Variants in E2F8 observed in about 807,000 individuals in gnomAD.
E2F8 encodes transcription factor E2F8.
In E2F8, 35 loss-of-function variants were observed where a neutral mutation model predicts 80.8. The ratio of observed to expected loss-of-function variants is 0.43; its 90% CI spans 0.33 to 0.57. The LOEUF (loss-of-function observed/expected upper bound fraction) is 0.57, where lower values mean the gene tolerates loss of function less well. Ranked by LOEUF, E2F8 falls within the 20% of genes least tolerant of loss-of-function variation. E2F8 has a pLI of 0.04. For missense variants in E2F8, 975 were observed against 1,056.2 expected (o/e 0.92, Z 1.07); for synonymous variants, 386 against 395.0 (o/e 0.98, Z 0.27).
rs374265373 is a variant in E2F8 at position 19,235,168 on chromosome 11, T to G, written c.452-110A>C. ...CAGTAGGTCTTGGATAATATCACTTTCCTAACTGTAAGTGAACATACTCAA... is the reference window on the plus strand; with the variant it reads ...CAGTAGGTCTTGGATAATATCACTTGCCTAACTGTAAGTGAACATACTCAA... On this transcript the variant is annotated intron_variant, in intron 4 of 12. Coordinates refer to ENST00000250024, the MANE Select transcript of E2F8 (RefSeq NM_024680.4). 382 of 981,898 alleles carry G rather than the reference T, an allele frequency of 3.9e-4. 1 individual carries two copies. The African/African-American group carries it at 5.5e-3, about 14-fold the overall frequency. 60.8% of individuals were successfully genotyped at this position (981,898 alleles called of 1,614,324 possible).
intron 4 of E2F8, among the ~76,000 whole-genome samples, chr11:19,235,822 GATC>G (rs970873082): frequency 5.3e-5 from 8 of 152,150 alleles, no homozygotes; most frequent in Non-Finnish European, 7.4e-5. Context: ...CATCTGTAAT[GATC>G]ATAAGATAGA....
chr11:19,236,591 T>C (rs546335208), intron 4 of E2F8, among the ~76,000 whole-genome samples: 13 of 152,352 alleles, frequency 8.5e-5, no homozygotes, highest in African/African-American at 2.9e-4. Flanking sequence ...AGTAGATGAA[T>C]CTAAACGGTA....
At chr11:19,228,330 G>T (rs1443644267) in intron 10 of E2F8, among the ~76,000 whole-genome samples, 1 of 152,200 alleles carries the variant, frequency 6.6e-6, no homozygotes, top group Non-Finnish European at 1.5e-5. Flanking sequence ...GTTTTGAATG[G>T]TTACCATGAG....
chr11:19,230,771 T>C lies in E2F8; in HGVS notation c.1130A>G (p.Asn377Ser). 2 of 1,614,198 alleles carry C rather than the reference T, an allele frequency of 1.2e-6. No individual in the cohort carries two copies. Among genetic ancestry groups the C allele is most frequent in the Admixed American group, 1.7e-5 (1 of 60,030 alleles). The change falls in exon 8 of 13, where the codon AAC becomes AGC. Residue 377 changes from asparagine to serine, a missense_variant. Transcript: ENST00000250024. ...TGTGGAAAAGAGGTTTTTGGCACAGTTCTCTTTTGAAGACCGTCTCACCTC... is the reference window on the plus strand; with the variant it reads ...TGTGGAAAAGAGGTTTTTGGCACAGCTCTCTTTTGAAGACCGTCTCACCTC... The part of the protein sequence containing the change: ...DLEVRRSSKE[N>S]CAKNLFSTRG...
At position 19,230,670 on chromosome 11, in the gene E2F8, T is replaced by G. The variant is rs765797631; in HGVS notation, c.1231A>C (p.Ile411Leu). 11 of 1,614,112 alleles carry G rather than the reference T, an allele frequency of 6.8e-6. No individual in the cohort carries two copies. In the African/African-American group the frequency reaches 1.3e-4, roughly 20 times the overall value. Reference sequence around the variant, plus strand: ...ATAGGGCTACTGGGCGCAGAATTTATCTTTCTCCGATCACTTTCTATACTC... The same window carrying G: ...ATAGGGCTACTGGGCGCAGAATTTAGCTTTCTCCGATCACTTTCTATACTC... ...VKSIESDRRK[I>L]NSAPSSPIKT... The change falls in exon 8 of 13, where the codon ATA (isoleucine) becomes CTA (leucine). Residue 411 changes from isoleucine (I) to leucine (L), a missense_variant. Transcript: ENST00000250024.
Position 19,224,665 on chromosome 11 carries a change from A to C in E2F8, c.2597T>G (p.Val866Gly). The C allele has an allele frequency of 6.2e-7, 1 of 1,613,972 alleles. No individual in the cohort carries two copies. The highest frequency in any genetic ancestry group is 8.5e-7 in the Non-Finnish European group (1 of 1,179,872). ...TAAGCCAACATCTGTTGATTAATGG[A>C]CATCCTCTGTTGAGACTTCCAGTTT... Reference protein sequence around the residue: ...QRKLEVSTEDVH With the variant: ...QRKLEVSTEDGH The change falls in exon 13 of 13, where the codon GTC (valine) becomes GGC (glycine). Residue 866 changes from valine (V) to glycine (G), a missense_variant. Physicochemically the swap from Val to Gly is moderately radical, Grantham distance 109. Transcript: ENST00000250024.
rs1228275678 is a variant in E2F8 at position 19,229,803 on chromosome 11, G to T, written c.1544C>A (p.Ala515Asp). The T allele has an allele frequency of 2.5e-6, 4 of 1,613,998 alleles. No individual in the cohort carries two copies. The South Asian group carries it at 4.4e-5, about 18-fold the overall frequency. Residue 515 changes from alanine (A) to aspartate (D), a missense_variant, in exon 10 of 13, where the codon GCC becomes GAC. Coordinates refer to ENST00000250024, the MANE Select transcript of E2F8 (RefSeq NM_024680.4). The surrounding 1 kb of genome is among the most constrained non-coding windows in gnomAD (Gnocchi z 4.3). The part of the protein sequence containing the change: ...SSAVPLILPQ[A>D]PSGPSYAIYL... ...GATGGCATAGGATGGGCCTGAAGGG[G>T]CCTGAGGTAGGATCAGGGGCACTGC...
chr11:19,224,555 G>T lies in E2F8; in HGVS notation c.*103C>A. 8.6e-7 allele frequency: 1 copy of T among 1,167,338 alleles called. No homozygotes were observed. Among genetic ancestry groups the T allele is most frequent in the South Asian group, 1.6e-5 (1 of 63,050 alleles). 72.3% of individuals were successfully genotyped at this position (1,167,338 alleles called of 1,614,324 possible). ...ATTTCACATTGAACAAATCCCCAAC[G>T]TATTTACAGTATTTTCAGAGAATGT... On this transcript the variant is annotated 3_prime_UTR_variant, in exon 13 of 13. Coordinates refer to ENST00000250024, the MANE Select transcript of E2F8 (RefSeq NM_024680.4).
At chr11:19,230,520 T>C in intron 8 of E2F8, 111 bp downstream of exon 8, 1 of 1,314,492 alleles carries the variant, frequency 7.6e-7, no homozygotes, top group East Asian at 2.3e-5. Flanking sequence ...GGTTTGGGTA[T>C]ATAGATATTG....
intron 4 of E2F8, among the ~76,000 whole-genome samples, chr11:19,236,668 G>C (rs114176201): frequency 6.6e-6 from 1 of 152,084 alleles, no homozygotes; most frequent in African/African-American, 2.4e-5. Flanking sequence ...TTTTCTTCAC[G>C]GGGTGATTGC....
intron 10 of E2F8, among the ~76,000 whole-genome samples, chr11:19,226,528 G>A (rs1263036120): frequency 6.6e-6 from 1 of 152,194 alleles, no homozygotes; most frequent in Non-Finnish European, 1.5e-5. Context: ...CATTGATTTA[G>A]AGAAAGGGGG....
chr11:19,232,181 G>GA, intron 7 of E2F8, 53 bp downstream of exon 7: 1 of 1,595,386 alleles, frequency 6.3e-7, no homozygotes, highest in Non-Finnish European at 8.5e-7. Flanking sequence ...TTAAAAATTA[G>GA]AAAAACACAC....
chr11:19,228,515 C>T (rs1298275166), intron 10 of E2F8, among the ~76,000 whole-genome samples: 1 of 152,170 alleles, frequency 6.6e-6, no homozygotes, highest in African/African-American at 2.4e-5. Flanking sequence ...AGGCAAGTAC[C>T]CAAAAGCAAT....
rs1361959890 is a variant in E2F8 at position 19,229,402 on chromosome 11, G to A, written c.1893+52C>T. ...AATTTCACAAGCCACCAATCTTCCTGTAATAGACTAGGGAATTCCTAAAGC... is the reference window on the plus strand; with the variant it reads ...AATTTCACAAGCCACCAATCTTCCTATAATAGACTAGGGAATTCCTAAAGC... On this transcript the variant is annotated intron_variant, in intron 10 of 12. Coordinates refer to ENST00000250024, the MANE Select transcript of E2F8 (RefSeq NM_024680.4). The surrounding 1 kb of genome is among the most constrained non-coding windows in gnomAD (Gnocchi z 4.3). 7.1e-6 allele frequency: 11 copies of A among 1,546,588 alleles called. No homozygotes were observed. The highest frequency in any genetic ancestry group is 1.4e-5 in the African/African-American group (1 of 72,450).
Position 19,235,067 on chromosome 11 carries a change from A to G in E2F8, c.452-9T>C. On this transcript the variant is annotated splice_polypyrimidine_tract_variant and intron_variant, in intron 4 of 12. Coordinates refer to ENST00000250024, the MANE Select transcript of E2F8 (RefSeq NM_024680.4). Reference sequence around the variant, plus strand: ...GCGTCGACGTTCAACATCTACAAAGAATGTGCAATTGTGTGTTACAGATTT... The same window carrying G: ...GCGTCGACGTTCAACATCTACAAAGGATGTGCAATTGTGTGTTACAGATTT... The G allele has an allele frequency of 6.3e-7, 1 of 1,593,630 alleles. No homozygotes were observed. The highest frequency in any genetic ancestry group is 8.5e-7 in the Non-Finnish European group (1 of 1,169,914).
rs1237213907 is a variant in E2F8 at position 19,232,133 on chromosome 11, C to T, written c.1066+101G>A. The T allele has an allele frequency of 1.3e-5, 20 of 1,497,022 alleles. No individual in the cohort carries two copies. In the Middle Eastern group the frequency reaches 5.3e-4, roughly 40 times the overall value. 92.7% of individuals were successfully genotyped at this position (1,497,022 alleles called of 1,614,324 possible). A position where few individuals can be genotyped will look rare whatever the true frequency, so the allele number is the denominator to read the frequency against. On this transcript the variant is annotated intron_variant, in intron 7 of 12. Transcript: ENST00000250024. ...GTAAGTGGGAGTTGAACAATGAGAACACATGGACACAGGGAGGGGAACAAC... is the reference window on the plus strand; with the variant it reads ...GTAAGTGGGAGTTGAACAATGAGAATACATGGACACAGGGAGGGGAACAAC...
Position 19,235,087 on chromosome 11 carries a change from A to T in E2F8, c.452-29T>A, listed in dbSNP as rs771779311. 69 of 1,558,246 alleles carry T rather than the reference A, an allele frequency of 4.4e-5. 1 individual carries two copies. The South Asian group carries it at 7.8e-4, about 18-fold the overall frequency. On this transcript the variant is annotated intron_variant, in intron 4 of 12. Coordinates refer to ENST00000250024, the MANE Select transcript of E2F8 (RefSeq NM_024680.4). ...CAAAGAATGTGCAATTGTGTGTTAC[A>T]GATTTTTGTAACGTGTTTAGAATTG...
chr11:19,224,918 G>T, intron 12 of E2F8, 78 bp from the exon 13 acceptor site: 1 of 1,527,158 alleles, frequency 6.5e-7, no homozygotes. Context: ...GGAAGATTGG[G>T]CTGGATGAAT....
At position 19,232,108 on chromosome 11, in the gene E2F8, G is replaced by A. The variant is rs530304904; in HGVS notation, c.1066+126C>T. The A allele has an allele frequency of 6.1e-5, 82 of 1,341,832 alleles. No individual in the cohort carries two copies. The East Asian group carries it at 1.6e-3, about 26-fold the overall frequency. The allele number at this position is 1,341,832 out of a possible 1,614,324, so 83.1% of individuals were successfully genotyped here. A position where few individuals can be genotyped will look rare whatever the true frequency, so the allele number is the denominator to read the frequency against. ...AATCAAACACTGCATGTTCTCACTC[G>A]TAAGTGGGAGTTGAACAATGAGAAC... is the stretch of plus-strand genomic sequence containing the variant. On this transcript the variant is annotated intron_variant, in intron 7 of 12. Coordinates refer to ENST00000250024, the MANE Select transcript of E2F8 (RefSeq NM_024680.4).
Sources: allele counts gnomAD v4.1 joint callset (sites outside exome capture counted in the v4.1 genomes callset), GRCh38; gene constraint gnomAD v4.1.1; non-coding constraint Gnocchi (gnomAD v3.1); transcripts MANE v1.5; gene names NCBI Gene and HGNC (gene_info 2026-07-23, HGNC 2026-07-21).